Variants in JDP2 observed in about 807,000 individuals in gnomAD.
JDP2 encodes the protein Jun dimerization protein 2, also known as progesterone receptor co-activator.
JDP2 carries 9 observed loss-of-function variants against 17.1 expected under a neutral mutation model. That is an observed-to-expected ratio of 0.53 (90% confidence interval 0.32 to 0.92). JDP2 has a LOEUF of 0.92. Among genes scored for constraint, JDP2 ranks in the 40% least tolerant of loss-of-function variants. The pLI is 0.04. For missense variants in JDP2, 179 were observed against 220.0 expected (o/e 0.81, Z 1.18); for synonymous variants, 107 against 95.6 (o/e 1.12, Z -0.69).
intron 2 of JDP2, among the ~76,000 whole-genome samples, chr14:75,460,402 C>A (rs1489600242): frequency 6.6e-6 from 1 of 152,102 alleles, no homozygotes; most frequent in Admixed American, 6.5e-5. Flanking sequence ...TTGGAAAGGG[C>A]CAAGAAAGGA....
intron 1 of JDP2, among the ~76,000 whole-genome samples, chr14:75,431,911 A>G (rs942271925): frequency 6.6e-6 from 1 of 152,258 alleles, no homozygotes; most frequent in African/African-American, 2.4e-5. Context: ...GGTACTTTCC[A>G]AGTATTAACT....
intron 2 of JDP2, 90 bp downstream of exon 2, chr14:75,438,211 G>A: frequency 9.7e-7 from 1 of 1,033,214 alleles, no homozygotes; most frequent in Non-Finnish European, 1.4e-6. Context: ...TGTGGTCTGA[G>A]GACCAGTATC....
chr14:75,445,634 C>T (rs1885562897), intron 2 of JDP2: 2 of 927,810 alleles, frequency 2.2e-6, no homozygotes, highest in Admixed American at 6.2e-5. Flanking sequence ...TAGACCCCTA[C>T]CTAGTACCTA....
At position 75,430,810 on chromosome 14, in the gene JDP2, T is replaced by TTGTG. The variant is rs373610188; in HGVS notation, c.-24+2569_-24+2572dup. On this transcript the variant is annotated intron_variant, in intron 1 of 3. Transcript: ENST00000651602. This position sits in a 1 kb window ranked among gnomAD's most constrained non-coding sequence, Gnocchi z 4.5. Reference sequence around the variant, plus strand: ...TGTGCATGTGTGTGCACATGCGTTCTTGTGTGTGTGTGTGGTTTGGCCTCT... The same window carrying TTGTG: ...TGTGCATGTGTGTGCACATGCGTTCTTGTGTGTGTGTGTGTGTGGTTTGGCCTCT... Among the ~76,000 whole-genome samples, 1 of 151,750 alleles carries TTGTG rather than the reference T, an allele frequency of 6.6e-6. No homozygotes were observed. Among genetic ancestry groups the TTGTG allele is most frequent in the East Asian group, 1.9e-4 (1 of 5,186 alleles).
At chr14:75,451,015 A>G (rs926899857) in intron 2 of JDP2, among the ~76,000 whole-genome samples, 12 of 152,314 alleles carry the variant, frequency 7.9e-5, no homozygotes, top group Middle Eastern at 3.4e-3. Flanking sequence ...GGGCAAAGGC[A>G]TGAAGGCCAG....
intron 2 of JDP2, among the ~76,000 whole-genome samples, chr14:75,452,132 A>G (rs1264828979): frequency 5.3e-5 from 8 of 152,144 alleles, no homozygotes; most frequent in Non-Finnish European, 1.0e-4. Flanking sequence ...ACATCCCTCA[A>G]TCAGGCCCAC....
At chr14:75,466,312 A>G (rs757023960) in intron 3 of JDP2, among the ~76,000 whole-genome samples, 31 of 152,154 alleles carry the variant, frequency 2.0e-4, no homozygotes, top group Non-Finnish European at 4.0e-4. Flanking sequence ...GTGGTGGCAC[A>G]TGCCTGTAAT....
chr14:75,437,478 T>G (rs1885122003), intron 1 of JDP2, among the ~76,000 whole-genome samples: 1 of 152,238 alleles, frequency 6.6e-6, no homozygotes, highest in African/African-American at 2.4e-5. Context: ...ATGCTGCCAT[T>G]GAAATCCCAG....
chr14:75,454,808 A>G (rs905923764), intron 2 of JDP2, among the ~76,000 whole-genome samples: 2 of 151,748 alleles, frequency 1.3e-5, no homozygotes, highest in African/African-American at 4.8e-5. Flanking sequence ...CCATTGTTGG[A>G]GTTGAGGGGT....
At chr14:75,442,548 C>T (rs762434209) in intron 2 of JDP2, among the ~76,000 whole-genome samples, 8 of 152,210 alleles carry the variant, frequency 5.3e-5, no homozygotes, top group Non-Finnish European at 8.8e-5. Flanking sequence ...GTCACTTAAA[C>T]TTTATTCCTT....
intron 2 of JDP2, among the ~76,000 whole-genome samples, chr14:75,450,666 G>A (rs1479739372): frequency 6.6e-6 from 1 of 152,244 alleles, no homozygotes; most frequent in Non-Finnish European, 1.5e-5. Context: ...GGCAGCTGAA[G>A]TGAAGTGGAA....
intron 2 of JDP2, among the ~76,000 whole-genome samples, chr14:75,453,994 C>G (rs946173412): frequency 6.6e-6 from 1 of 152,110 alleles, no homozygotes; most frequent in African/African-American, 2.4e-5. Context: ...ATTTCTCTTT[C>G]TCATTCTGTC....
Position 75,428,407 on chromosome 14 carries a change from T to C in JDP2, c.-24+155T>C, listed in dbSNP as rs1331497343. The C allele has an allele frequency of 6.6e-6, 1 of 151,356 alleles. No homozygotes were observed. The highest frequency in any genetic ancestry group is 2.4e-5 in the African/African-American group (1 of 41,210). 9.4% of individuals were successfully genotyped at this position (151,356 alleles called of 1,614,324 possible). A position where few individuals can be genotyped will look rare whatever the true frequency, so the allele number is the denominator to read the frequency against. ...CTCCCGCAGCCCAGGGACCTCGAGC[T>C]TTCCCCGCGCCGGGCGCTGCAGCCG... is the stretch of plus-strand genomic sequence containing the variant. On this transcript the variant is annotated intron_variant, in intron 1 of 3. Coordinates refer to ENST00000651602, the MANE Select transcript of JDP2 (RefSeq NM_001135048.2). This position sits in a 1 kb window ranked among gnomAD's most constrained non-coding sequence, Gnocchi z 5.6.
intron 2 of JDP2, among the ~76,000 whole-genome samples, chr14:75,444,398 TG>T (rs1885498348): frequency 6.6e-6 from 1 of 152,142 alleles, no homozygotes; most frequent in Non-Finnish European, 1.5e-5. Context: ...TCCTCGGAGA[TG>T]GTGGGTGGTC....
chr14:75,450,422 C>T (rs1409788894), intron 2 of JDP2, among the ~76,000 whole-genome samples: 1 of 152,190 alleles, frequency 6.6e-6, no homozygotes, highest in East Asian at 1.9e-4. Context: ...GTTTGCAGCC[C>T]TGCTTCCCAC....
chr14:75,453,978 A>G (rs913221259), intron 2 of JDP2, among the ~76,000 whole-genome samples: 1 of 151,982 alleles, frequency 6.6e-6, no homozygotes, highest in African/African-American at 2.4e-5. Context: ...TTGGGTTGAG[A>G]ATGTAATTTC....
In JDP2 at chr14:75,432,413, G is replaced by T. The variant is rs541632378; in HGVS notation, c.-24+4161G>T. Reference sequence around the variant, plus strand: ...ACTCCTGCCCTCCGCATCCGGTTCTGTCCTGGGAATCTTCCCAGGCTCTGG... The same window carrying T: ...ACTCCTGCCCTCCGCATCCGGTTCTTTCCTGGGAATCTTCCCAGGCTCTGG... On this transcript the variant is annotated intron_variant, in intron 1 of 3. Coordinates refer to ENST00000651602, the MANE Select transcript of JDP2 (RefSeq NM_001135048.2). 4.7e-4 allele frequency: 663 copies of T among 1,397,754 alleles called. 5 individuals carry two copies. The African/African-American group carries it at 8.6e-3, about 18-fold the overall frequency. 86.6% of individuals were successfully genotyped at this position (1,397,754 alleles called of 1,614,324 possible).
chr14:75,447,603 T>C (rs559577420), intron 2 of JDP2, among the ~76,000 whole-genome samples: 4 of 139,030 alleles, frequency 2.9e-5, no homozygotes, highest in Non-Finnish European at 6.5e-5. Flanking sequence ...TCGCATTAAC[T>C]GATGAGCATC....
chr14:75,453,944 G>A (rs1389761327), intron 2 of JDP2, among the ~76,000 whole-genome samples: 1 of 152,088 alleles, frequency 6.6e-6, no homozygotes, highest in East Asian at 1.9e-4. Flanking sequence ...TTGTCCATGT[G>A]AGAGTTTCTG....
Sources: gnomAD v4.1 joint callset for allele counts (sites outside exome capture counted in the v4.1 genomes callset) on GRCh38, gnomAD v4.1.1 for gene constraint, Gnocchi (gnomAD v3.1) non-coding constraint, MANE v1.5 for transcripts, NCBI Gene and HGNC (gene_info 2026-07-23, HGNC 2026-07-21) for gene names.